The following TENM3 variants were observed in gnomAD, a reference collection of about 807,000 sequenced individuals.
TENM3 encodes the protein teneurin transmembrane protein 3, also known as teneurin-3.
Under a neutral mutation model 255.1 loss-of-function variants are expected in TENM3, and 63 were observed. The ratio of observed to expected loss-of-function variants is 0.25; its 90% confidence interval spans 0.20 to 0.30. The LOEUF is 0.30. Among genes scored for constraint, TENM3 ranks in the 10% least tolerant of loss-of-function variants. The pLI is 1.00. For synonymous variants in TENM3, 1,306 were observed against 1,322.3 expected, an observed-to-expected ratio of 0.99 and a Z score of 0.27; for missense variants, 2,929 against 3,461.1, an observed-to-expected ratio of 0.85 and a Z score of 3.86.
the TENM3 span, among the ~76,000 whole-genome samples, chr4:181,482,972 C>G: frequency 6.6e-6 from 1 of 152,016 alleles, no homozygotes; most frequent in African/African-American, 2.4e-5. Flanking sequence ...CAGAGGGTAT[C>G]CCAGACACAA....
chr4:182,058,398 G>A, the TENM3 span, among the ~76,000 whole-genome samples: 2 of 152,196 alleles, frequency 1.3e-5, no homozygotes, highest in Middle Eastern at 3.4e-3. Context: ...AAGACACTAA[G>A]TTTTTAGGTG....
chr4:181,563,037 TCATCATATGACCG>T, the TENM3 span, among the ~76,000 whole-genome samples: 3 of 152,240 alleles, frequency 2.0e-5, no homozygotes, highest in East Asian at 5.8e-4. Flanking sequence ...GACTGGGACT[TCATCATATGACCG>T]CAACTAGCTG....
In TENM3 at chr4:182,801,457, G is replaced by T. The variant is rs372151413; in HGVS notation, c.*1106G>T. 5 of 152,088 alleles carry T rather than the reference G, an allele frequency of 3.3e-5. No homozygotes were observed. In the South Asian group the frequency reaches 8.3e-4, roughly 25 times the overall value. 9.4% of individuals were successfully genotyped at this position (152,088 alleles called of 1,614,324 possible). ...AGAAGATTGAAAAAACGGGAGGAAG[G>T]GTTCTCTGGCCCTCTCTCAACCTTG... On this transcript the variant is annotated 3_prime_UTR_variant, in exon 28 of 28. Transcript: ENST00000511685.
chr4:182,113,152 G>A, the TENM3 span, among the ~76,000 whole-genome samples: 1 of 152,112 alleles, frequency 6.6e-6, no homozygotes, highest in Non-Finnish European at 1.5e-5. Context: ...GTTTAACAAA[G>A]GACAAACAAC....
intron 4 of TENM3, among the ~76,000 whole-genome samples, chr4:182,623,093 C>T (rs1250806914): frequency 6.6e-6 from 1 of 151,192 alleles, no homozygotes; most frequent in Admixed American, 6.6e-5. Context: ...TCACTGCAAG[C>T]TCTGCCTTCC....
chr4:181,984,609 T>A, the TENM3 span, among the ~76,000 whole-genome samples: 1 of 152,192 alleles, frequency 6.6e-6, no homozygotes, highest in East Asian at 1.9e-4. Flanking sequence ...ATAAACCTTA[T>A]ATTATTTGCC....
At chr4:181,462,211 C>T in the TENM3 span, among the ~76,000 whole-genome samples, 13 of 152,108 alleles carry the variant, frequency 8.5e-5, no homozygotes, top group African/African-American at 3.1e-4. Flanking sequence ...TCTTAGGAAC[C>T]CTGAGAAATA....
the TENM3 span, among the ~76,000 whole-genome samples, chr4:181,578,799 A>G: frequency 1.3e-5 from 2 of 152,178 alleles, no homozygotes; most frequent in Admixed American, 1.3e-4. Flanking sequence ...TAAGGACACC[A>G]GTTATGTTGG....
At chr4:182,289,311 G>A (rs1344381499) in intron 1 of TENM3, among the ~76,000 whole-genome samples, 7 of 152,222 alleles carry the variant, frequency 4.6e-5, no homozygotes, top group Admixed American at 4.6e-4. Flanking sequence ...GTCCAGTTTA[G>A]ATAAAGGACT....
intron 1 of TENM3, among the ~76,000 whole-genome samples, chr4:182,193,847 A>G (rs951590321): frequency 3.3e-5 from 5 of 152,162 alleles, no homozygotes; most frequent in African/African-American, 1.2e-4. Context: ...AAAAGTTGAA[A>G]TTTTTTAAAA....
chr4:181,974,240 G>A, the TENM3 span, among the ~76,000 whole-genome samples: 292 of 152,324 alleles, frequency 1.9e-3, 1 homozygote, highest in Non-Finnish European at 3.2e-3. Flanking sequence ...ATAGCCGTAA[G>A]GCAAGAGTGC....
the TENM3 span, among the ~76,000 whole-genome samples, chr4:181,553,662 C>T: frequency 3.3e-5 from 5 of 152,088 alleles, no homozygotes; most frequent in East Asian, 1.9e-4. Context: ...AGGATGGTCT[C>T]GATCTCCTGA....
At chr4:182,270,104 G>A (rs1453148757) in intron 1 of TENM3, among the ~76,000 whole-genome samples, 1 of 152,172 alleles carries the variant, frequency 6.6e-6, no homozygotes, top group Non-Finnish European at 1.5e-5. Context: ...TTAAGATAAG[G>A]GGGGTTGTGG....
the TENM3 span, among the ~76,000 whole-genome samples, chr4:182,010,951 C>T: frequency 5.4e-4 from 82 of 152,348 alleles, no homozygotes; most frequent in African/African-American, 1.9e-3. Flanking sequence ...ACATCATTCT[C>T]TTCAATTTCC....
intron 3 of TENM3, among the ~76,000 whole-genome samples, chr4:182,447,023 T>G (rs1772977296): frequency 6.6e-6 from 1 of 152,198 alleles, no homozygotes; most frequent in African/African-American, 2.4e-5. Context: ...TGTTCTATTT[T>G]TTGACCCAAT....
chr4:181,599,054 G>C, the TENM3 span, among the ~76,000 whole-genome samples: 2 of 152,140 alleles, frequency 1.3e-5, no homozygotes, highest in South Asian at 4.1e-4. Flanking sequence ...CAGCAACTAT[G>C]GTTGAAACTG....
At chr4:182,584,101 T>C (rs1745775388) in intron 3 of TENM3, among the ~76,000 whole-genome samples, 2 of 152,210 alleles carry the variant, frequency 1.3e-5, no homozygotes, top group South Asian at 4.1e-4. Context: ...AAGCCGCCTT[T>C]CTGAAACCTG....
intron 1 of TENM3, among the ~76,000 whole-genome samples, chr4:182,163,965 C>T (rs1014683616): frequency 9.9e-5 from 15 of 152,176 alleles, no homozygotes; most frequent in African/African-American, 3.6e-4. Flanking sequence ...AGTGTTCACT[C>T]ATAAACAGGC....
the TENM3 span, among the ~76,000 whole-genome samples, chr4:182,083,115 T>C: frequency 2.0e-5 from 3 of 152,354 alleles, no homozygotes; most frequent in East Asian, 3.9e-4. Flanking sequence ...AAAGTTCACA[T>C]ACTTAAGGAA....
Sources: allele counts gnomAD v4.1 joint callset (sites outside exome capture counted in the v4.1 genomes callset), GRCh38; gene constraint gnomAD v4.1.1; transcripts MANE v1.5; gene names NCBI Gene and HGNC (gene_info 2026-07-23, HGNC 2026-07-21).